The following CHD6 variants were observed in gnomAD, a reference collection of about 807,000 sequenced individuals.
The protein encoded by CHD6 is chromodomain helicase DNA binding protein 6.
A neutral mutation model predicts 276.9 loss-of-function variants in CHD6; 50 were observed. The ratio of observed to expected loss-of-function variants is 0.18; its 90% CI spans 0.14 to 0.23. CHD6 has a LOEUF of 0.23. Ranked by LOEUF, CHD6 falls within the 10% of genes least tolerant of loss-of-function variation. The pLI, the probability that CHD6 is intolerant of heterozygous loss-of-function variation, is 1.00. For synonymous variants in CHD6, 1,173 were observed against 1,229.3 expected (o/e 0.95, Z 0.96); for missense variants, 2,564 against 3,365.8 (o/e 0.76, Z 5.89).
At chr20:41,561,321 A>AT (rs140737098) in intron 1 of CHD6, among the ~76,000 whole-genome samples, 5 of 152,090 alleles carry the variant, frequency 3.3e-5, no homozygotes, top group African/African-American at 1.2e-4. Context: ...ACTTTGTGTC[A>AT]TTTTTTTCCC....
At chr20:41,456,952 G>T (rs1428332524) in intron 18 of CHD6, among the ~76,000 whole-genome samples, 1 of 152,114 alleles carries the variant, frequency 6.6e-6, no homozygotes, top group Non-Finnish European at 1.5e-5. Flanking sequence ...ATGAGATAAG[G>T]CACAGTAACA....
chr20:41,420,657 T>C lies in CHD6; in HGVS notation c.5978A>G (p.His1993Arg). The change falls in exon 31 of 37, where the codon CAT (histidine) becomes CGT (arginine). Residue 1993 changes from histidine to arginine, a missense_variant. Physicochemically the swap from His to Arg is conservative, Grantham distance 29. This residue lies in a region of CHD6 where 1,024 missense variants were observed against 1,047.9 expected (regional missense o/e 0.98). Transcript: ENST00000373233. ...AIPSQPFKVK[H>R]ELLKEPWKES... ...TTTCCAAGGTTCTTTTAAAAGCTCATGCTTCACTTTAAACGGCTGTGATGG... is the reference window on the plus strand; with the variant it reads ...TTTCCAAGGTTCTTTTAAAAGCTCACGCTTCACTTTAAACGGCTGTGATGG... 3 of 1,614,248 alleles carry C rather than the reference T, an allele frequency of 1.9e-6. No homozygotes were observed. The highest frequency in any genetic ancestry group is 1.1e-5 in the South Asian group (1 of 91,088).
chr20:41,554,481 C>A (rs1421434809), intron 1 of CHD6, among the ~76,000 whole-genome samples: 2 of 151,516 alleles, frequency 1.3e-5, no homozygotes, highest in Middle Eastern at 3.4e-3. Flanking sequence ...GAGGGAAGGT[C>A]AGCAGATAAA....
rs1292914512 is a variant in CHD6 at position 41,563,918 on chromosome 20, ACT to A, written c.-23-12560_-23-12559del. ...GAAGACAAAGGGTTTTACAAACAAC[ACT>A]CTATATATTCAGTTTCAAGAGGTCT... is the stretch of plus-strand genomic sequence containing the variant. On this transcript the variant is annotated intron_variant, in intron 1 of 36. Transcript: ENST00000373233. The A allele has an allele frequency of 2.3e-5, 14 of 620,444 alleles. No individual in the cohort carries two copies. The East Asian group carries it at 3.7e-4, about 17-fold the overall frequency. 38.4% of individuals were successfully genotyped at this position (620,444 alleles called of 1,614,324 possible).
chr20:41,491,145 AT>A (rs1214343243), intron 11 of CHD6, among the ~76,000 whole-genome samples: 1 of 151,802 alleles, frequency 6.6e-6, no homozygotes, highest in Non-Finnish European at 1.5e-5. Flanking sequence ...ATTTAAAAAT[AT>A]TTTTTCTTCA....
At chr20:41,437,413 A>G in intron 26 of CHD6, 79 bp from the exon 27 acceptor site, 1 of 929,172 alleles carries the variant, frequency 1.1e-6, no homozygotes, top group Non-Finnish European at 1.7e-6. Flanking sequence ...GGTCAACCAC[A>G]GTCCAAAAAT....
intron 19 of CHD6, among the ~76,000 whole-genome samples, chr20:41,455,119 G>GT (rs1247285020): frequency 6.6e-6 from 1 of 152,206 alleles, no homozygotes; most frequent in Non-Finnish European, 1.5e-5. Context: ...TATGGAAAAG[G>GT]TATTAGGCTG....
intron 35 of CHD6, 95 bp from the exon 36 acceptor site, chr20:41,412,358 G>A (rs921241810): frequency 7.8e-5 from 108 of 1,386,820 alleles, no homozygotes; most frequent in Middle Eastern, 3.7e-4. Context: ...TATTGTTCTC[G>A]TCAATGGTTG....
chr20:41,516,811 G>T (rs868507601), intron 3 of CHD6, among the ~76,000 whole-genome samples: 1 of 152,104 alleles, frequency 6.6e-6, no homozygotes, highest in East Asian at 1.9e-4. Context: ...AAGAGGGAAT[G>T]AAGCCTTTCA....
rs372303414 is a variant in CHD6 at position 41,504,136 on chromosome 20, C to T, written c.853-4779G>A. Among the ~76,000 whole-genome samples the T allele has an allele frequency of 3.6e-4, 51 of 142,346 alleles. 1 individual carries two copies. The highest frequency in any genetic ancestry group is 1.2e-3 in the African/African-American group (47 of 37,718). The allele number at this position is 142,346 out of a possible 152,430, so 93.4% of individuals were successfully genotyped here. A position where few individuals can be genotyped will look rare whatever the true frequency, so the allele number is the denominator to read the frequency against. Reference sequence around the variant, plus strand: ...CATTACAACTTTTAACTGCATCGCACTTGTCTCTCTTTCTTATGCTTTTAC... The same window carrying T: ...CATTACAACTTTTAACTGCATCGCATTTGTCTCTCTTTCTTATGCTTTTAC... On this transcript the variant is annotated intron_variant, in intron 5 of 36. Transcript: ENST00000373233.
At chr20:41,437,363 T>C (rs1569077076) in intron 26 of CHD6, 29 bp from the exon 27 acceptor site, 1 of 1,538,572 alleles carries the variant, frequency 6.5e-7, no homozygotes, top group Non-Finnish European at 9.0e-7. Flanking sequence ...AGGCATCACA[T>C]ACTACCTAGG....
In CHD6 at chr20:41,582,944, G is replaced by A. The variant is rs184711413; in HGVS notation, c.-23-31584C>T. Among the ~76,000 whole-genome samples the A allele has an allele frequency of 2.0e-5, 3 of 152,186 alleles. No individual in the cohort carries two copies. The South Asian group carries it at 6.2e-4, about 32-fold the overall frequency. ...AAATCACCCAAACTGCAACAAAAAC[G>A]GGGAAAAAGAAGTGGAGGGAAACAC... On this transcript the variant is annotated intron_variant, in intron 1 of 36. Transcript: ENST00000373233.
At chr20:41,417,572 A>G (rs2047041277) in intron 31 of CHD6, among the ~76,000 whole-genome samples, 2 of 152,236 alleles carry the variant, frequency 1.3e-5, no homozygotes, top group Non-Finnish European at 2.9e-5. Flanking sequence ...CAAGTCTTCT[A>G]GTGAGCATTT....
intron 5 of CHD6, among the ~76,000 whole-genome samples, chr20:41,509,679 TGCAGGAG>T (rs936632722): frequency 2.6e-5 from 4 of 152,126 alleles, no homozygotes; most frequent in Admixed American, 6.5e-5. Context: ...CCACCCAAAC[TGCAGGAG>T]GCAAAAACTG....
chr20:41,487,017 C>T (rs1316134364), intron 14 of CHD6, among the ~76,000 whole-genome samples: 1 of 152,160 alleles, frequency 6.6e-6, no homozygotes, highest in Non-Finnish European at 1.5e-5. Flanking sequence ...CTATTTGTTC[C>T]TCTTATGGCA....
Position 41,417,411 on chromosome 20 carries a change from G to C in CHD6, c.6128-62C>G, listed in dbSNP as rs888386533. On this transcript the variant is annotated intron_variant, in intron 31 of 36. Coordinates refer to ENST00000373233, the MANE Select transcript of CHD6 (RefSeq NM_032221.5). ...TATAGTAGTGAGATACTAGTGATCT[G>C]AGAGATTAGGATATCCTCTTTTCCT... The C allele has an allele frequency of 1.9e-5, 27 of 1,403,090 alleles. No homozygotes were observed. In the South Asian group the frequency reaches 3.0e-4, roughly 15 times the overall value. The allele number at this position is 1,403,090 out of a possible 1,614,324, so 86.9% of individuals were successfully genotyped here. A position where few individuals can be genotyped will look rare whatever the true frequency, so the allele number is the denominator to read the frequency against.
At chr20:41,495,002 T>C (rs1030800827) in intron 8 of CHD6, among the ~76,000 whole-genome samples, 3 of 151,746 alleles carry the variant, frequency 2.0e-5, no homozygotes, top group African/African-American at 7.3e-5. Context: ...GATTCTTTCC[T>C]CTCTCTTTAG....
At position 41,423,586 on chromosome 20, in the gene CHD6, C is replaced by A; in HGVS notation, c.4461G>T (p.Leu1487Phe). ...DWTQFRIISR[L>F]DKKSDESLEQ... ...CCAGGCTCTCATCCGACTTCTTGTC[C>A]AAACGGGAAATGATGCGGAACTGTG... Residue 1487 changes from leucine (L) to phenylalanine (F), a missense_variant, in exon 30 of 37, where the codon TTG becomes TTT. This residue lies in a region of CHD6 where 515 missense variants were observed against 739.5 expected (regional missense o/e 0.70). Transcript: ENST00000373233. 1 of 1,614,198 alleles carries A rather than the reference C, an allele frequency of 6.2e-7. No individual in the cohort carries two copies. Among genetic ancestry groups the A allele is most frequent in the Non-Finnish European group, 8.5e-7 (1 of 1,180,032 alleles).
At chr20:41,444,722 T>C (rs962117977) in intron 25 of CHD6, among the ~76,000 whole-genome samples, 1 of 151,626 alleles carries the variant, frequency 6.6e-6, no homozygotes, top group African/African-American at 2.4e-5. Context: ...GCACCTATTA[T>C]GTACCAAGCA....
Sources: gnomAD v4.1 joint callset for allele counts (sites outside exome capture counted in the v4.1 genomes callset) on GRCh38, gnomAD v4.1.1 for gene constraint, gnomAD v4.1.1 regional missense constraint, MANE v1.5 for transcripts, NCBI Gene and HGNC (gene_info 2026-07-23, HGNC 2026-07-21) for gene names.